DZIP1: variants seen among roughly 807,000 people sequenced by gnomAD.
The protein encoded by DZIP1 is DAZ interacting zinc finger protein 1.
A neutral mutation model predicts 107.6 loss-of-function variants in DZIP1; 97 were observed. The observed-to-expected ratio is 0.90, with a 90% confidence interval of 0.77 to 1.07. The LOEUF is 1.07. DZIP1 is among the 50% of genes least tolerant of loss of function. The pLI, the probability that DZIP1 is intolerant of heterozygous loss-of-function variation, is 0.00. For missense variants in DZIP1, 1,035 were observed against 1,063.6 expected (o/e 0.97, Z 0.37); for synonymous variants, 390 against 386.4 (o/e 1.01, Z -0.11).
chr13:95,599,946 C>T (rs533545892), intron 14 of DZIP1, among the ~76,000 whole-genome samples: 2 of 152,260 alleles, frequency 1.3e-5, no homozygotes, highest in African/African-American at 4.8e-5. Flanking sequence ...AGCCATTCTT[C>T]GACACCTGCA....
chr13:95,626,802 A>T (rs949907819), intron 7 of DZIP1, among the ~76,000 whole-genome samples: 2 of 152,232 alleles, frequency 1.3e-5, no homozygotes, highest in African/African-American at 4.8e-5. Context: ...ATACCTAGAA[A>T]TAAATGTAAC....
In DZIP1 at chr13:95,641,789, C is replaced by T. The variant is rs1226113705; in HGVS notation, c.103G>A (p.Ala35Thr). Reference protein sequence around the residue: ...GPEGPDVAVAAAAAGAASMAC... With the variant: ...GPEGPDVAVATAAAGAASMAC... ...ATGGAGGCCGCACCCGCGGCGGCGG[C>T]GGCCACAGCGACGTCGGGCCCCTCT... Residue 35 changes from alanine to threonine, a missense_variant, in exon 5 of 23, where the codon GCC (alanine) becomes ACC (threonine). By Grantham distance (58) the Ala-to-Thr change is moderately conservative. Coordinates refer to ENST00000376829, the MANE Select transcript of DZIP1 (RefSeq NM_198968.4). The surrounding 1 kb of genome is among the most constrained non-coding windows in gnomAD (Gnocchi z 4.3). 3 of 1,512,866 alleles carry T rather than the reference C, an allele frequency of 2.0e-6. No individual in the cohort carries two copies. Among genetic ancestry groups the T allele is most frequent in the African/African-American group, 1.4e-5 (1 of 71,180 alleles). 93.7% of individuals were successfully genotyped at this position (1,512,866 alleles called of 1,614,324 possible). A position where few individuals can be genotyped will look rare whatever the true frequency, so the allele number is the denominator to read the frequency against.
Position 95,630,089 on chromosome 13 carries a change from T to C in DZIP1, c.710A>G (p.Glu237Gly). 6.2e-7 allele frequency: 1 copy of C among 1,612,950 alleles called. No homozygotes were observed. Among genetic ancestry groups the C allele is most frequent in the Non-Finnish European group, 8.5e-7 (1 of 1,179,588 alleles). The change falls in exon 7 of 23, where the codon GAG becomes GGG. Residue 237 changes from glutamate to glycine, a missense_variant. By Grantham distance (98) the Glu-to-Gly change is moderately conservative. Coordinates refer to ENST00000376829, the MANE Select transcript of DZIP1 (RefSeq NM_198968.4). ...HFEYQKNAQI[E>G]KLRSEIVVLK... is the part of the protein sequence containing the mutation. ...TACGACGATCTCACTCCGGAGCTTC[T>C]CAATCTGTGCATTTTTCTGATACTC...
At chr13:95,639,487 A>G (rs1878220971) in intron 5 of DZIP1, among the ~76,000 whole-genome samples, 2 of 151,958 alleles carry the variant, frequency 1.3e-5, no homozygotes, top group South Asian at 4.2e-4. Context: ...GCTACTCAAG[A>G]AGCTGAGGTG....
Position 95,641,486 on chromosome 13 carries a change from C to G in DZIP1, c.406G>C (p.Glu136Gln). 6.2e-7 allele frequency: 1 copy of G among 1,614,124 alleles called. No individual in the cohort carries two copies. Among genetic ancestry groups the G allele is most frequent in the Non-Finnish European group, 8.5e-7 (1 of 1,180,010 alleles). The change falls in exon 5 of 23, where the codon GAG becomes CAG. Residue 136 changes from glutamate to glutamine, a missense_variant. Physicochemically the swap from Glu to Gln is conservative, Grantham distance 29. Coordinates refer to ENST00000376829, the MANE Select transcript of DZIP1 (RefSeq NM_198968.4). The surrounding 1 kb of genome is among the most constrained non-coding windows in gnomAD (Gnocchi z 4.3). ...GTGTGCAGCTGCGAGGTGAGGAACT[C>G]TTGTGAGTGCAGCAAGTACTCGATG... ...FTIEYLLHSQ[E>Q]FLTSQLHTLE...
chr13:95,597,611 G>A (rs2044493956), intron 15 of DZIP1, among the ~76,000 whole-genome samples: 1 of 152,166 alleles, frequency 6.6e-6, no homozygotes, highest in East Asian at 1.9e-4. Flanking sequence ...GGCAATGTGG[G>A]GCAAAAGAGT....
chr13:95,597,185 C>T (rs1305699289), intron 15 of DZIP1, among the ~76,000 whole-genome samples: 1 of 152,200 alleles, frequency 6.6e-6, no homozygotes, highest in Non-Finnish European at 1.5e-5. Flanking sequence ...TGAGTGAAAT[C>T]TGGAACTGGA....
intron 16 of DZIP1, 41 bp from the exon 17 acceptor site, chr13:95,590,482 G>A (rs1228087898): frequency 1.3e-6 from 2 of 1,563,958 alleles, no homozygotes; most frequent in East Asian, 4.5e-5. Flanking sequence ...TATCCTGGGA[G>A]GTTTCATTTC....
At chr13:95,584,023 C>CTGGA (rs1258622174) in intron 22 of DZIP1, among the ~76,000 whole-genome samples, 2 of 151,882 alleles carry the variant, frequency 1.3e-5, no homozygotes, top group African/African-American at 4.8e-5. Context: ...TTTTGCCAGG[C>CTGGA]TGGAGTGCAG....
At chr13:95,630,864 A>G (rs1018417483) in intron 6 of DZIP1, 4 of 588,024 alleles carry the variant, frequency 6.8e-6, no homozygotes, top group Non-Finnish European at 1.1e-5. Context: ...TGAAACGAGT[A>G]TGAGTTAGAA....
At chr13:95,608,845 A>G (rs998963940) in intron 13 of DZIP1, among the ~76,000 whole-genome samples, 11 of 152,162 alleles carry the variant, frequency 7.2e-5, no homozygotes, top group Non-Finnish European at 1.3e-4. Context: ...GCCTCAGCCC[A>G]TACTCCTCTC....
chr13:95,630,136 T>A (rs1877022923), intron 6 of DZIP1, 23 bp from the exon 7 acceptor site: 2 of 1,602,586 alleles, frequency 1.2e-6, no homozygotes, highest in Non-Finnish European at 8.5e-7. Context: ...AAAATCGTGT[T>A]AAAACACCAT....
At chr13:95,609,398 G>C in intron 13 of DZIP1, 59 bp downstream of exon 13, 5 of 1,150,264 alleles carry the variant, frequency 4.3e-6, no homozygotes, top group Non-Finnish European at 5.9e-6. Context: ...TAAAAGTTAT[G>C]TTTTGGTTTA....
intron 5 of DZIP1, among the ~76,000 whole-genome samples, chr13:95,634,674 T>C (rs1177304295): frequency 2.6e-5 from 4 of 152,250 alleles, no homozygotes; most frequent in African/African-American, 2.4e-5. Flanking sequence ...CTGGATATTA[T>C]ATATTTCATT....
At chr13:95,624,231 CTGAT>C (rs1051470321) in intron 8 of DZIP1, among the ~76,000 whole-genome samples, 1 of 152,218 alleles carries the variant, frequency 6.6e-6, no homozygotes, top group Non-Finnish European at 1.5e-5. Context: ...TAGAAGGACA[CTGAT>C]TGATTGGCTG....
Position 95,612,123 on chromosome 13 carries a change from T to G in DZIP1, c.1228A>C (p.Ser410Arg), listed in dbSNP as rs1461234491. The G allele has an allele frequency of 4.3e-6, 7 of 1,613,504 alleles. No individual in the cohort carries two copies. The highest frequency in any genetic ancestry group is 5.9e-6 in the Non-Finnish European group (7 of 1,180,034). ...RTSMIDDLNA[S>R]NVFYKKRIEE... is the part of the protein sequence containing the mutation. ...ATCCTTTTCTTATAGAAAACATTGC[T>G]TGCATTTAGATCATCTATCATTGAG... The change falls in exon 11 of 23, where the codon AGC (serine) becomes CGC (arginine). Residue 410 changes from serine to arginine, a missense_variant. Coordinates refer to ENST00000376829, the MANE Select transcript of DZIP1 (RefSeq NM_198968.4).
Position 95,641,938 on chromosome 13 carries a change from C to T in DZIP1, c.36+56G>A, listed in dbSNP as rs959807782. On this transcript the variant is annotated intron_variant, in intron 4 of 22. Transcript: ENST00000376829. This position sits in a 1 kb window ranked among gnomAD's most constrained non-coding sequence, Gnocchi z 4.3. The stretch of plus-strand genomic sequence containing the variant: ...GGGAGCTGGGGGTCCGGGGAAGCCC[C>T]GGTTCTCCCCAGCCCGGCATCCCCG... The T allele has an allele frequency of 2.0e-6, 3 of 1,517,448 alleles. No homozygotes were observed. The African/African-American group carries it at 4.4e-5, about 22-fold the overall frequency. The allele number at this position is 1,517,448 out of a possible 1,614,324, so 94.0% of individuals were successfully genotyped here. A position where few individuals can be genotyped will look rare whatever the true frequency, so the allele number is the denominator to read the frequency against.
intron 12 of DZIP1, among the ~76,000 whole-genome samples, chr13:95,610,029 G>A (rs1206574479): frequency 6.7e-6 from 1 of 150,300 alleles, no homozygotes; most frequent in Non-Finnish European, 1.5e-5. Flanking sequence ...TGCAAAGTCA[G>A]CTCTTGCCCT....
chr13:95,589,013 CAT>C, intron 19 of DZIP1, 139 bp downstream of exon 19: 2 of 756,852 alleles, frequency 2.6e-6, no homozygotes, highest in Admixed American at 5.7e-5. Context: ...TCACAAATAA[CAT>C]ATCACAAAGG....
Sources: allele counts gnomAD v4.1 joint callset (sites outside exome capture counted in the v4.1 genomes callset), GRCh38; gene constraint gnomAD v4.1.1; non-coding constraint Gnocchi (gnomAD v3.1); transcripts MANE v1.5; gene names NCBI Gene and HGNC (gene_info 2026-07-23, HGNC 2026-07-21).